The following AOAH variants were observed in gnomAD, a reference collection of about 807,000 sequenced individuals.
AOAH encodes acyloxyacyl hydrolase (neutrophil).
In AOAH, 64 loss-of-function variants were observed where a neutral mutation model predicts 92.2. That is an observed-to-expected ratio of 0.69 (90% CI 0.57 to 0.86). The LOEUF is 0.86. AOAH is among the 40% of genes least tolerant of loss of function. The pLI is 0.00. For synonymous variants in AOAH, 263 were observed against 254.5 expected (o/e 1.03, Z -0.32); for missense variants, 656 against 694.6 (o/e 0.94, Z 0.62).
intron 1 of AOAH, among the ~76,000 whole-genome samples, chr7:36,713,816 C>T (rs1160060673): frequency 6.6e-6 from 1 of 152,202 alleles, no homozygotes; most frequent in East Asian, 1.9e-4. Context: ...CTCTGGGACA[C>T]ATTCAAAGCA....
chr7:36,644,589 T>C (rs1395284702), intron 4 of AOAH, among the ~76,000 whole-genome samples: 3 of 152,178 alleles, frequency 2.0e-5, no homozygotes, highest in African/African-American at 7.2e-5. Flanking sequence ...GAGACATTTT[T>C]AAGGTATGGT....
At chr7:36,711,685 G>A (rs1205969674) in intron 1 of AOAH, among the ~76,000 whole-genome samples, 1 of 152,170 alleles carries the variant, frequency 6.6e-6, no homozygotes, top group South Asian at 2.1e-4. Context: ...ACGTGCAGAG[G>A]GCAGTAGCTG....
intron 15 of AOAH, among the ~76,000 whole-genome samples, chr7:36,546,979 A>C (rs1234476861): frequency 6.6e-6 from 1 of 152,244 alleles, no homozygotes; most frequent in East Asian, 1.9e-4. Flanking sequence ...TGGACTATAG[A>C]CAGGGAATGG....
intron 4 of AOAH, among the ~76,000 whole-genome samples, chr7:36,656,202 A>T (rs893583077): frequency 3.9e-5 from 6 of 152,180 alleles, no homozygotes; most frequent in Non-Finnish European, 5.9e-5. Context: ...TGATTGGGGG[A>T]ATTCTACATG....
intron 2 of AOAH, among the ~76,000 whole-genome samples, chr7:36,686,401 G>T (rs1329646524): frequency 1.3e-5 from 2 of 152,208 alleles, no homozygotes; most frequent in African/African-American, 4.8e-5. Context: ...TGATCAGTAA[G>T]TAGGCAAATT....
chr7:36,597,585 C>T lies in AOAH; in HGVS notation c.847-3155G>A, dbSNP rs192156352. Among the ~76,000 whole-genome samples, 818 of 152,268 alleles carry T rather than the reference C, an allele frequency of 5.4e-3. 6 individuals carry two copies. The highest frequency in any genetic ancestry group is 7.7e-3 in the Non-Finnish European group (525 of 68,026). ...TGTTGAGTCAGTAACCTGCAAAACA[C>T]GTTGAAACTTACAAGAATGATATGG... On this transcript the variant is annotated intron_variant, in intron 11 of 20. Coordinates refer to ENST00000617537, the MANE Select transcript of AOAH (RefSeq NM_001637.4).
At chr7:36,667,576 A>G (rs545569938) in intron 3 of AOAH, among the ~76,000 whole-genome samples, 1 of 152,324 alleles carries the variant, frequency 6.6e-6, no homozygotes, top group Non-Finnish European at 1.5e-5. Flanking sequence ...CATATTTCTC[A>G]CAGATAAGGG....
chr7:36,669,527 C>T (rs1756070096), intron 3 of AOAH, among the ~76,000 whole-genome samples: 1 of 151,946 alleles, frequency 6.6e-6, no homozygotes, highest in Admixed American at 6.5e-5. Flanking sequence ...AGATTACAGG[C>T]ACTCACCACC....
chr7:36,700,583 T>C (rs1327240830), intron 1 of AOAH, among the ~76,000 whole-genome samples: 1 of 152,142 alleles, frequency 6.6e-6, no homozygotes, highest in Non-Finnish European at 1.5e-5. Context: ...AATGATCCAT[T>C]GATGGACACT....
chr7:36,677,076 A>T (rs1796296062), intron 2 of AOAH, among the ~76,000 whole-genome samples: 1 of 152,130 alleles, frequency 6.6e-6, no homozygotes, highest in South Asian at 2.1e-4. Flanking sequence ...AAAAAAAAAC[A>T]GAGAAACTTG....
At chr7:36,625,797 G>A (rs149554300) in intron 6 of AOAH, among the ~76,000 whole-genome samples, 25 of 152,302 alleles carry the variant, frequency 1.6e-4, no homozygotes, top group African/African-American at 4.8e-4. Context: ...AGTGGGCTCA[G>A]AGGCTGTGAC....
intron 11 of AOAH, among the ~76,000 whole-genome samples, chr7:36,608,385 G>A (rs1447452821): frequency 6.6e-6 from 1 of 152,180 alleles, no homozygotes; most frequent in East Asian, 1.9e-4. Flanking sequence ...CCCTTCCTTT[G>A]CAGGCTCTGT....
chr7:36,628,001 C>T lies in AOAH; in HGVS notation c.521+4035G>A, dbSNP rs763578360. Among the ~76,000 whole-genome samples, 93 of 151,970 alleles carry T rather than the reference C, an allele frequency of 6.1e-4. 1 individual carries two copies. Among genetic ancestry groups the T allele is most frequent in the Non-Finnish European group, 1.3e-4 (9 of 68,014 alleles). On this transcript the variant is annotated intron_variant, in intron 6 of 20. Transcript: ENST00000617537. ...TGAGACTCAGGTAGCTCTCGAGGGC[C>T]GGGCGTGGGTTGGTTGCGTATGTGG... is the stretch of plus-strand genomic sequence containing the variant.
chr7:36,691,744 G>A (rs3936106), intron 1 of AOAH, among the ~76,000 whole-genome samples: 35,847 of 152,138 alleles, frequency 0.24, 4,552 homozygotes, highest in African/African-American at 0.33. Context: ...TGAAGTGATG[G>A]TGTCTATATC....
chr7:36,551,254 A>C (rs1786227549), intron 13 of AOAH, among the ~76,000 whole-genome samples: 1 of 151,774 alleles, frequency 6.6e-6, no homozygotes, highest in South Asian at 2.1e-4. Context: ...TTGTATTTTT[A>C]GTAGAGATGG....
chr7:36,535,038 G>GTC (rs1206838666), intron 16 of AOAH, among the ~76,000 whole-genome samples: 23 of 106,062 alleles, frequency 2.2e-4, no homozygotes, highest in South Asian at 1.7e-3. Context: ...GTGTGTGTCT[G>GTC]TGTGTGTGTA....
intron 2 of AOAH, among the ~76,000 whole-genome samples, chr7:36,680,851 T>C (rs1279931031): frequency 6.6e-6 from 1 of 152,218 alleles, no homozygotes; most frequent in Non-Finnish European, 1.5e-5. Context: ...CTGTTTCCCT[T>C]GGTGAGATAC....
At chr7:36,610,431 T>C (rs766946639) in intron 11 of AOAH, among the ~76,000 whole-genome samples, 16 of 151,154 alleles carry the variant, frequency 1.1e-4, no homozygotes, top group Non-Finnish European at 1.5e-4. Flanking sequence ...AAAAATACTG[T>C]GAAAAATTTA....
chr7:36,567,594 A>C (rs993317891), intron 13 of AOAH, among the ~76,000 whole-genome samples: 1 of 152,238 alleles, frequency 6.6e-6, no homozygotes, highest in Non-Finnish European at 1.5e-5. Flanking sequence ...CATTCTGCTA[A>C]CGGATAGCCC....
Sources: allele counts gnomAD v4.1 joint callset (sites outside exome capture counted in the v4.1 genomes callset), GRCh38; gene constraint gnomAD v4.1.1; transcripts MANE v1.5; gene names NCBI Gene and HGNC (gene_info 2026-07-23, HGNC 2026-07-21).